LRRC8C: variants seen among roughly 807,000 people sequenced by gnomAD.
LRRC8C encodes volume-regulated anion channel subunit LRRC8C.
A neutral mutation model predicts 55.3 loss-of-function variants in LRRC8C; 20 were observed. That is an observed-to-expected ratio of 0.36 (90% CI 0.25 to 0.53). The LOEUF (loss-of-function observed/expected upper bound fraction) is 0.53. LRRC8C is among the 20% of genes least tolerant of loss of function. The pLI is 0.92. For synonymous variants in LRRC8C, 376 were observed against 360.7 expected, an observed-to-expected ratio of 1.04 and a Z score of -0.48; for missense variants, 659 against 951.4, an observed-to-expected ratio of 0.69 and a Z score of 4.04.
intron 1 of LRRC8C, among the ~76,000 whole-genome samples, chr1:89,645,984 GATA>G (rs1656603650): frequency 6.6e-6 from 1 of 150,682 alleles, no homozygotes; most frequent in African/African-American, 2.4e-5. Context: ...TAGATAGATA[GATA>G]TGGTTACTTA....
chr1:89,645,479 A>C (rs1656585133), intron 1 of LRRC8C, among the ~76,000 whole-genome samples: 1 of 152,204 alleles, frequency 6.6e-6, no homozygotes, highest in Admixed American at 6.5e-5. Context: ...TACACTTCGC[A>C]ATTATGGTGA....
chr1:89,630,491 TA>T (rs560938495), upstream of LRRC8C, among the ~76,000 whole-genome samples: 129 of 152,352 alleles, frequency 8.5e-4, no homozygotes, highest in Middle Eastern at 3.4e-3. Context: ...GTGTGAGAAC[TA>T]CTAACTCTGG....
chr1:89,685,939 C>T (rs920982380), intron 1 of LRRC8C, among the ~76,000 whole-genome samples: 2 of 151,728 alleles, frequency 1.3e-5, no homozygotes, highest in East Asian at 1.9e-4. Flanking sequence ...ACAAGGACCA[C>T]GTGGAAACAC....
In LRRC8C at chr1:89,686,451, G is replaced by C; in HGVS notation, c.-4-19G>C. ...TACTGGAAGATAAATTGATTTACAAGTAATCTCTCCTTTCTCAGAAACATG... is the reference window on the plus strand; with the variant it reads ...TACTGGAAGATAAATTGATTTACAACTAATCTCTCCTTTCTCAGAAACATG... On this transcript the variant is annotated intron_variant, in intron 1 of 2. Transcript: ENST00000370454. 1 of 1,613,514 alleles carries C rather than the reference G, an allele frequency of 6.2e-7. No individual in the cohort carries two copies.
At chr1:89,627,067 A>G in the LRRC8C span, among the ~76,000 whole-genome samples, 9 of 151,942 alleles carry the variant, frequency 5.9e-5, no homozygotes, top group African/African-American at 1.9e-4. Context: ...CTTTCCAAAA[A>G]TTGCTTCATT....
chr1:89,714,217 C>T lies in LRRC8C; in HGVS notation c.1647C>T (p.Ile549=). Residue 549 remains isoleucine, a synonymous_variant, in exon 3 of 3, where the codon ATC becomes ATT. Transcript: ENST00000370454. The surrounding 1 kb of genome is among the most constrained non-coding windows in gnomAD (Gnocchi z 4.6). ...TCAAAAGCCTTAAAATTCTCTCTAT[C>T]AAAAGCAACGTTTCCAAAATCCCTC... ...RDLKSLKILS[I]KSNVSKIPQA... 6.2e-7 allele frequency: 1 copy of T among 1,614,074 alleles called. No homozygotes were observed. Among genetic ancestry groups the T allele is most frequent in the Non-Finnish European group, 8.5e-7 (1 of 1,180,004 alleles).
rs960234112 is a variant in LRRC8C, at chr1:89,707,790, C to G, written c.139-4919C>G. On this transcript the variant is annotated intron_variant, in intron 2 of 2. Transcript: ENST00000370454. ...ATGGCTTGACCTAATTTTCTTCTTC[C>G]CTTCTAACCTGTCCGTGCTCTCCTG... 2.0e-5 allele frequency among the ~76,000 whole-genome samples: 3 copies of G among 151,896 alleles called. No individual in the cohort carries two copies. The South Asian group carries it at 6.2e-4, about 31-fold the overall frequency.
chr1:89,692,769 G>T (rs913673742), intron 2 of LRRC8C, among the ~76,000 whole-genome samples: 1 of 152,162 alleles, frequency 6.6e-6, no homozygotes, highest in African/African-American at 2.4e-5. Context: ...AGGACCAATA[G>T]TGTAAACACC....
rs191853367 is a variant in LRRC8C at position 89,640,178 on chromosome 1, C to T, written c.-5+6856C>T. Reference sequence around the variant, plus strand: ...CTCCTGGGTTCAAGTGATTCTCCTGCCTCAGCCTCCCAAGTAGCTGGGATT... The same window carrying T: ...CTCCTGGGTTCAAGTGATTCTCCTGTCTCAGCCTCCCAAGTAGCTGGGATT... On this transcript the variant is annotated intron_variant, in intron 1 of 2. Coordinates refer to ENST00000370454, the MANE Select transcript of LRRC8C (RefSeq NM_032270.5). Among the ~76,000 whole-genome samples, 106 of 152,340 alleles carry T rather than the reference C, an allele frequency of 7.0e-4. 1 individual carries two copies. Among genetic ancestry groups the T allele is most frequent in the Non-Finnish European group, 1.1e-3 (76 of 68,038 alleles).
chr1:89,686,593 GT>G lies in LRRC8C; in HGVS notation c.123del (p.Phe41LeufsTer12). ...CAGTAGCCATGCTCATGATCGGCGTGTTTGGATGTACTTTACAGGTAGGTGC... is the reference window on the plus strand; with the variant it reads ...CAGTAGCCATGCTCATGATCGGCGTGTTGGATGTACTTTACAGGTAGGTGC... Reference protein sequence around the residue: ...LSVAMLMIGVFGCTLQVMQDK... With the variant: ...LSVAMLMIGVXGCTLQVMQDK... On this transcript the variant is annotated frameshift_variant, in exon 2 of 3. Transcript: ENST00000370454. LOFTEE classifies it high-confidence loss of function. 6.2e-7 allele frequency: 1 copy of G among 1,614,158 alleles called. No individual in the cohort carries two copies. The highest frequency in any genetic ancestry group is 8.5e-7 in the Non-Finnish European group (1 of 1,180,026).
chr1:89,673,803 A>G (rs1657482264), intron 1 of LRRC8C, among the ~76,000 whole-genome samples: 1 of 152,208 alleles, frequency 6.6e-6, no homozygotes, highest in Non-Finnish European at 1.5e-5. Context: ...AAGAGCACAA[A>G]TGAATGGAAA....
intron 1 of LRRC8C, among the ~76,000 whole-genome samples, chr1:89,640,560 G>T (rs935596263): frequency 4.6e-5 from 7 of 152,160 alleles, no homozygotes; most frequent in African/African-American, 1.7e-4. Context: ...GCAAAACATT[G>T]TCAGGCTAAT....
chr1:89,641,738 A>G (rs1656461856), intron 1 of LRRC8C, among the ~76,000 whole-genome samples: 1 of 152,164 alleles, frequency 6.6e-6, no homozygotes, highest in African/African-American at 2.4e-5. Flanking sequence ...CTATTTATAT[A>G]AACACTGATA....
At chr1:89,705,427 A>AATG (rs1434235546) in intron 2 of LRRC8C, among the ~76,000 whole-genome samples, 15 of 151,902 alleles carry the variant, frequency 9.9e-5, no homozygotes, top group Non-Finnish European at 2.2e-4. Context: ...GTATAATAAT[A>AATG]ATAATAAAGA....
chr1:89,621,955 A>G, the LRRC8C span, among the ~76,000 whole-genome samples: 1 of 152,160 alleles, frequency 6.6e-6, no homozygotes, highest in African/African-American at 2.4e-5. Flanking sequence ...ATGCATACCA[A>G]TTCACCCTTA....
In LRRC8C at chr1:89,657,236, C is replaced by T. The variant is rs567034607; in HGVS notation, c.-5+23914C>T. Among the ~76,000 whole-genome samples the T allele has an allele frequency of 1.3e-3, 193 of 152,204 alleles. 1 individual carries two copies. Among genetic ancestry groups the T allele is most frequent in the African/African-American group, 4.1e-3 (169 of 41,536 alleles). ...TCTTTTTTGTTTGTTTTACTGTTGA[C>T]ATATATTGCCTTGGACTAAGGACTT... On this transcript the variant is annotated intron_variant, in intron 1 of 2. Transcript: ENST00000370454.
chr1:89,642,722 C>G (rs1170477560), intron 1 of LRRC8C, among the ~76,000 whole-genome samples: 4 of 152,176 alleles, frequency 2.6e-5, no homozygotes, highest in Non-Finnish European at 5.9e-5. Flanking sequence ...GTGGCACGCA[C>G]CTGTAATCCC....
intron 2 of LRRC8C, among the ~76,000 whole-genome samples, chr1:89,711,659 T>G (rs908051640): frequency 6.6e-6 from 1 of 152,222 alleles, no homozygotes; most frequent in Non-Finnish European, 1.5e-5. Context: ...TCAAAAAGGG[T>G]GCATTCATTC....
chr1:89,652,035 C>T (rs1656800289), intron 1 of LRRC8C, among the ~76,000 whole-genome samples: 1 of 152,088 alleles, frequency 6.6e-6, no homozygotes, highest in South Asian at 2.1e-4. Flanking sequence ...AGGTTTGGGA[C>T]TATTTTTCTT....
Sources: allele counts gnomAD v4.1 joint callset (sites outside exome capture counted in the v4.1 genomes callset), GRCh38; gene constraint gnomAD v4.1.1; non-coding constraint Gnocchi (gnomAD v3.1); transcripts MANE v1.5; gene names NCBI Gene and HGNC (gene_info 2026-07-23, HGNC 2026-07-21).